The following LINGO2 variants were observed in gnomAD, a reference collection of about 807,000 sequenced individuals.
LINGO2 encodes the protein leucine rich repeat and Ig domain containing 2, also known as leucine-rich repeat and immunoglobulin-like domain-containing nogo receptor-interacting protein 2.
In LINGO2, 14 loss-of-function variants were observed where a neutral mutation model predicts 30.6. The ratio of observed to expected loss-of-function variants is 0.46; its 90% CI spans 0.30 to 0.72. The LOEUF (loss-of-function observed/expected upper bound fraction) is 0.72, where lower values mean the gene tolerates loss of function less well. Among genes scored for constraint, LINGO2 ranks in the 30% least tolerant of loss-of-function variants. The probability of loss-of-function intolerance (pLI) is 0.07; values close to 1 mark genes in which losing one functional copy is unlikely to be tolerated. For synonymous variants in LINGO2, 317 were observed against 288.5 expected (o/e 1.10, Z -1.00); for missense variants, 729 against 751.7 (o/e 0.97, Z 0.35).
At chr9:29,065,734 C>T in the LINGO2 span, among the ~76,000 whole-genome samples, 11 of 151,894 alleles carry the variant, frequency 7.2e-5, no homozygotes, top group African/African-American at 2.7e-4. Flanking sequence ...AATTTAAGAG[C>T]TCATATGAAT....
the LINGO2 span, among the ~76,000 whole-genome samples, chr9:28,932,148 A>AAAATAAAATAAAATG: frequency 2.0e-5 from 3 of 149,042 alleles, no homozygotes; most frequent in Admixed American, 2.0e-4. Flanking sequence ...AAAATAAAAT[A>AAAATAAAATAAAATG]AAATGAAAGG....
At chr9:28,314,625 T>C (rs762969486) in intron 3 of LINGO2, among the ~76,000 whole-genome samples, 1 of 152,210 alleles carries the variant, frequency 6.6e-6, no homozygotes, top group Non-Finnish European at 1.5e-5. Context: ...GACAGCTCTT[T>C]GCTCCATCAT....
chr9:28,755,729 G>A, the LINGO2 span, among the ~76,000 whole-genome samples: 1 of 152,000 alleles, frequency 6.6e-6, no homozygotes, highest in African/African-American at 2.4e-5. Flanking sequence ...TCTACAGATC[G>A]TTTTCAACAG....
At chr9:28,368,462 G>C (rs1005046029) in intron 3 of LINGO2, among the ~76,000 whole-genome samples, 1 of 152,088 alleles carries the variant, frequency 6.6e-6, no homozygotes, top group Non-Finnish European at 1.5e-5. Context: ...TTCTGAGAGC[G>C]AAGTTAGAGA....
exon 6 of LINGO2, chr9:27,949,259 G>T: frequency 6.2e-7 from 1 of 1,614,098 alleles, no homozygotes. Context: ...CCTGGGCAAA[G>T]CGGATTTCCA....
intron 1 of LINGO2, among the ~76,000 whole-genome samples, chr9:28,624,349 T>C (rs1416489052): frequency 1.3e-5 from 2 of 152,098 alleles, no homozygotes; most frequent in Non-Finnish European, 1.5e-5. Flanking sequence ...GTGTGTTTTT[T>C]CTATATCTAG....
the LINGO2 span, among the ~76,000 whole-genome samples, chr9:28,761,346 A>G: frequency 6.6e-6 from 1 of 152,088 alleles, no homozygotes; most frequent in African/African-American, 2.4e-5. Flanking sequence ...TAGCTGAATA[A>G]GAGCTATTGA....
Position 28,602,256 on chromosome 9 carries a change from G to A in LINGO2, c.-365+67944C>T, listed in dbSNP as rs568772674. Among the ~76,000 whole-genome samples the A allele has an allele frequency of 1.5e-3, 223 of 152,186 alleles. 1 individual carries two copies. Among genetic ancestry groups the A allele is most frequent in the African/African-American group, 5.3e-3 (219 of 41,546 alleles). On this transcript the variant is annotated intron_variant, in intron 1 of 5. Coordinates refer to ENST00000379992, the Ensembl canonical transcript of LINGO2. ...TCATTCATTGGCTTGGGGCCATGGG[G>A]AGGTTGGTGCAGGGGAATATACCCC...
the LINGO2 span, among the ~76,000 whole-genome samples, chr9:29,176,688 A>C: frequency 6.6e-6 from 1 of 152,358 alleles, no homozygotes; most frequent in African/African-American, 2.4e-5. Flanking sequence ...TGTTTGTAAG[A>C]ATTTCAGCCC....
At chr9:28,674,784 G>A (rs975387705), upstream of LINGO2, among the ~76,000 whole-genome samples, 6 of 152,098 alleles carry the variant, frequency 3.9e-5, no homozygotes, top group Non-Finnish European at 7.4e-5. Context: ...ACTCATCATG[G>A]TCAAAAGGTC....
the LINGO2 span, among the ~76,000 whole-genome samples, chr9:29,128,447 G>A: frequency 5.9e-5 from 9 of 152,224 alleles, no homozygotes; most frequent in South Asian, 1.9e-3. Context: ...ATATTCTTTT[G>A]AAATATTGTT....
intron 2 of LINGO2, among the ~76,000 whole-genome samples, chr9:28,450,454 C>T (rs1824605060): frequency 6.6e-6 from 1 of 151,956 alleles, no homozygotes; most frequent in Non-Finnish European, 1.5e-5. Context: ...TTGGAGGAGG[C>T]CAAGGCCATG....
At chr9:29,087,779 A>G in the LINGO2 span, among the ~76,000 whole-genome samples, 57 of 151,814 alleles carry the variant, frequency 3.8e-4, 1 homozygote, top group African/African-American at 1.1e-3. Flanking sequence ...CATTCCTTGG[A>G]AAAAAAAGGA....
the LINGO2 span, among the ~76,000 whole-genome samples, chr9:28,812,107 AT>A: frequency 6.6e-6 from 1 of 151,790 alleles, no homozygotes; most frequent in Non-Finnish European, 1.5e-5. Context: ...TCTTCCTACC[AT>A]CAATTAGCGT....
chr9:28,506,506 A>AGG, intron 1 of LINGO2, among the ~76,000 whole-genome samples: 1 of 102,828 alleles, frequency 9.7e-6, no homozygotes, highest in Non-Finnish European at 2.1e-5. Context: ...ACACACAGAC[A>AGG]TATATATATA....
the LINGO2 span, among the ~76,000 whole-genome samples, chr9:28,817,079 G>C: frequency 6.6e-6 from 1 of 152,118 alleles, no homozygotes; most frequent in African/African-American, 2.4e-5. Flanking sequence ...TTACAAGTTT[G>C]AGAATTTAAC....
intron 4 of LINGO2, among the ~76,000 whole-genome samples, chr9:28,195,072 T>C (rs1819961068): frequency 6.6e-6 from 1 of 151,824 alleles, no homozygotes; most frequent in Admixed American, 6.6e-5. Context: ...ACAACAGAAA[T>C]GTAAACATTT....
At chr9:28,374,063 C>A (rs187285793) in intron 2 of LINGO2, among the ~76,000 whole-genome samples, 111 of 152,140 alleles carry the variant, frequency 7.3e-4, no homozygotes, top group African/African-American at 2.6e-3. Flanking sequence ...GCACAACAAC[C>A]TCATGAGGTA....
At chr9:27,949,709 G>A in exon 6 of LINGO2, 2 of 1,614,168 alleles carry the variant, frequency 1.2e-6, no homozygotes, top group Non-Finnish European at 1.7e-6. Context: ...CGCGTAGGAA[G>A]CGGAGCCCTT....
Sources: gnomAD v4.1 joint callset for allele counts (sites outside exome capture counted in the v4.1 genomes callset) on GRCh38, gnomAD v4.1.1 for gene constraint, MANE v1.5 for transcripts, NCBI Gene and HGNC (gene_info 2026-07-23, HGNC 2026-07-21) for gene names.